TRPM3: variants seen among roughly 807,000 people sequenced by gnomAD.
TRPM3 encodes the protein transient receptor potential cation channel subfamily M member 3.
A neutral mutation model predicts 181.2 loss-of-function variants in TRPM3; 77 were observed. The ratio of observed to expected loss-of-function variants is 0.42; its 90% CI spans 0.35 to 0.51. The LOEUF is 0.51. Among genes scored for constraint, TRPM3 ranks in the 20% least tolerant of loss-of-function variants. The pLI, the probability that TRPM3 is intolerant of heterozygous loss-of-function variation, is 0.01. For synonymous variants in TRPM3, 745 were observed against 796.4 expected, an observed-to-expected ratio of 0.94 and a Z score of 1.09; for missense variants, 1,759 against 2,196.7, an observed-to-expected ratio of 0.80 and a Z score of 3.98.
At chr9:70,912,035 G>A (rs1420059046) in intron 1 of TRPM3, among the ~76,000 whole-genome samples, 1 of 152,188 alleles carries the variant, frequency 6.6e-6, no homozygotes, top group Admixed American at 6.6e-5. Context: ...GCAACAGAAG[G>A]ATGTCTAAAG....
chr9:71,126,963 T>A (rs2074070681), intron 1 of TRPM3, among the ~76,000 whole-genome samples: 1 of 152,098 alleles, frequency 6.6e-6, no homozygotes, highest in African/African-American at 2.4e-5. Context: ...GTTTTCCAAA[T>A]GTATAAGGAT....
intron 4 of TRPM3, among the ~76,000 whole-genome samples, chr9:70,844,024 T>C (rs546293586): frequency 1.7e-4 from 26 of 152,334 alleles, no homozygotes; most frequent in African/African-American, 5.5e-4. Context: ...CAATTTTGAA[T>C]AGCTCAGTAT....
intron 1 of TRPM3, among the ~76,000 whole-genome samples, chr9:71,420,147 T>A (rs114878791): frequency 0.01 from 1,565 of 152,008 alleles, 37 homozygotes; most frequent in African/African-American, 0.035. Flanking sequence ...TTATTCTTCA[T>A]AAGGGGAGGA....
intron 1 of TRPM3, among the ~76,000 whole-genome samples, chr9:70,982,542 T>A (rs4493964): frequency 0.32 from 47,950 of 152,034 alleles, 7,726 homozygotes; most frequent in African/African-American, 0.39. Context: ...CTATGAATCA[T>A]CTAACACCTT....
chr9:71,184,782 G>T (rs572853315), intron 1 of TRPM3, among the ~76,000 whole-genome samples: 1 of 152,184 alleles, frequency 6.6e-6, no homozygotes, highest in South Asian at 2.1e-4. Context: ...TCAGGCAAGG[G>T]CCTGCCAACA....
intron 1 of TRPM3, among the ~76,000 whole-genome samples, chr9:70,894,061 A>G (rs1004252339): frequency 6.6e-6 from 1 of 152,194 alleles, no homozygotes; most frequent in Non-Finnish European, 1.5e-5. Context: ...TGTTTGGAAC[A>G]TTGTTGGAGG....
chr9:70,589,857 C>T (rs1290794341), intron 22 of TRPM3, among the ~76,000 whole-genome samples: 1 of 152,192 alleles, frequency 6.6e-6, no homozygotes, highest in Non-Finnish European at 1.5e-5. Context: ...CCAACGTACA[C>T]ATCCTCTTCA....
intron 7 of TRPM3, among the ~76,000 whole-genome samples, chr9:70,770,600 G>A (rs569850543): frequency 6.6e-6 from 1 of 152,306 alleles, no homozygotes; most frequent in East Asian, 1.9e-4. Flanking sequence ...ATGGTATGGT[G>A]CCTTTGGCTG....
chr9:70,638,841 T>TAAC (rs1157203707), intron 11 of TRPM3, among the ~76,000 whole-genome samples: 3 of 152,184 alleles, frequency 2.0e-5, no homozygotes, highest in Non-Finnish European at 1.5e-5. Context: ...GGTTATTACA[T>TAAC]AACTTTTTGC....
chr9:70,829,149 A>G (rs2093738105), intron 5 of TRPM3, among the ~76,000 whole-genome samples: 1 of 152,218 alleles, frequency 6.6e-6, no homozygotes, highest in Admixed American at 6.5e-5. Flanking sequence ...GTGCCTTTAC[A>G]GAGTGTGTAC....
chr9:70,877,186 A>G (rs934991154), intron 1 of TRPM3, among the ~76,000 whole-genome samples: 1 of 152,006 alleles, frequency 6.6e-6, no homozygotes, highest in Non-Finnish European at 1.5e-5. Context: ...CTTTCAAAAT[A>G]GAGCCCAGGT....
At chr9:71,356,744 C>T (rs2091912063) in intron 1 of TRPM3, among the ~76,000 whole-genome samples, 1 of 152,016 alleles carries the variant, frequency 6.6e-6, no homozygotes, top group Non-Finnish European at 1.5e-5. Context: ...GAGATTTCTG[C>T]CATTTTCTGT....
At chr9:70,958,762 A>G (rs2097105663) in intron 1 of TRPM3, among the ~76,000 whole-genome samples, 1 of 151,812 alleles carries the variant, frequency 6.6e-6, no homozygotes, top group African/African-American at 2.4e-5. Flanking sequence ...CAACCCAAAT[A>G]TCCAACAATG....
At chr9:70,785,560 T>C (rs2083427475) in intron 6 of TRPM3, among the ~76,000 whole-genome samples, 1 of 152,110 alleles carries the variant, frequency 6.6e-6, no homozygotes, top group Non-Finnish European at 1.5e-5. Context: ...TAAACTAAAA[T>C]AAAACAACTC....
intron 6 of TRPM3, among the ~76,000 whole-genome samples, chr9:70,805,256 G>C (rs2090392157): frequency 6.7e-6 from 1 of 149,900 alleles, no homozygotes; most frequent in Non-Finnish European, 1.5e-5. Context: ...GAGACAGAGA[G>C]AGACAGAGAG....
At chr9:70,825,750 C>T (rs41315641) in intron 6 of TRPM3, 8,960 of 152,480 alleles carry the variant, frequency 0.059, 434 homozygotes, top group East Asian at 0.12. Flanking sequence ...ATATATGCAG[C>T]AGCTCTCCCA....
intron 22 of TRPM3, among the ~76,000 whole-genome samples, chr9:70,558,870 A>G (rs1336714981): frequency 6.6e-6 from 1 of 152,202 alleles, no homozygotes; most frequent in Non-Finnish European, 1.5e-5. Flanking sequence ...TGGGGGTCAC[A>G]TTGACACATC....
At chr9:70,951,556 G>T (rs962296418) in intron 1 of TRPM3, among the ~76,000 whole-genome samples, 2 of 152,088 alleles carry the variant, frequency 1.3e-5, no homozygotes, top group African/African-American at 4.8e-5. Context: ...TAGCCAGACT[G>T]GTCTTGAACT....
At chr9:71,039,223 T>G (rs909324243) in intron 1 of TRPM3, among the ~76,000 whole-genome samples, 4 of 152,164 alleles carry the variant, frequency 2.6e-5, no homozygotes, top group African/African-American at 9.6e-5. Context: ...AACTTTCTGG[T>G]GCTTCAGTCT....
Sources: gnomAD v4.1 joint callset for allele counts (sites outside exome capture counted in the v4.1 genomes callset) on GRCh38, gnomAD v4.1.1 for gene constraint, MANE v1.5 for transcripts, NCBI Gene and HGNC (gene_info 2026-07-23, HGNC 2026-07-21) for gene names.